LARGE1: variants seen among roughly 807,000 people sequenced by gnomAD.
LARGE1 encodes LARGE xylosyl- and glucuronyltransferase 1.
Under a neutral mutation model 87.6 loss-of-function variants are expected in LARGE1, and 43 were observed. That is an observed-to-expected ratio of 0.49 (90% CI 0.38 to 0.63). The LOEUF (loss-of-function observed/expected upper bound fraction) is 0.63. Among genes scored for constraint, LARGE1 ranks in the 30% least tolerant of loss-of-function variants. The probability of loss-of-function intolerance (pLI) is 0.00; values close to 1 mark genes in which losing one functional copy is unlikely to be tolerated. For synonymous variants in LARGE1, 434 were observed against 394.6 expected, an observed-to-expected ratio of 1.10 and a Z score of -1.18; for missense variants, 802 against 1,000.2, an observed-to-expected ratio of 0.80 and a Z score of 2.67.
chr22:33,330,010 C>CAA (rs201941090), intron 10 of LARGE1, among the ~76,000 whole-genome samples: 40 of 146,984 alleles, frequency 2.7e-4, no homozygotes, highest in Non-Finnish European at 4.0e-4. Context: ...AACAGAACAA[C>CAA]AAAAAAAAAC....
At chr22:33,886,942 C>T (rs1274396973) in intron 1 of LARGE1, among the ~76,000 whole-genome samples, 1 of 151,998 alleles carries the variant, frequency 6.6e-6, no homozygotes, top group Non-Finnish European at 1.5e-5. Context: ...ATAAAGTCAA[C>T]TGGGAAAAGT....
intron 2 of LARGE1, among the ~76,000 whole-genome samples, chr22:33,667,205 G>A (rs917312859): frequency 6.6e-6 from 1 of 152,226 alleles, no homozygotes. Flanking sequence ...AGTTTCTCCA[G>A]AAAGAAGGCT....
chr22:33,486,965 T>A (rs1180991732), intron 6 of LARGE1, among the ~76,000 whole-genome samples: 2 of 152,256 alleles, frequency 1.3e-5, no homozygotes, highest in Non-Finnish European at 2.9e-5. Context: ...ATTGTAATTC[T>A]GTGACTTTTA....
intron 5 of LARGE1, among the ~76,000 whole-genome samples, chr22:33,568,847 G>A (rs2078110322): frequency 6.6e-6 from 1 of 151,290 alleles, no homozygotes; most frequent in Non-Finnish European, 1.5e-5. Flanking sequence ...TGGATGGATG[G>A]ATGGATGAAT....
At chr22:33,184,761 A>G (rs1298406260) in intron 11 of LARGE1, among the ~76,000 whole-genome samples, 1 of 152,198 alleles carries the variant, frequency 6.6e-6, no homozygotes, top group African/African-American at 2.4e-5. Flanking sequence ...ACCTGAACAG[A>G]CATCTCACCA....
At chr22:33,750,626 C>T (rs2084278725) in intron 2 of LARGE1, 1 of 150,956 alleles carries the variant, frequency 6.6e-6, no homozygotes, top group South Asian at 2.1e-4. Flanking sequence ...TATGAAAATG[C>T]ATGTTTGTTG....
intron 1 of LARGE1, among the ~76,000 whole-genome samples, chr22:33,895,111 G>T (rs369398833): frequency 6.6e-6 from 1 of 152,144 alleles, no homozygotes; most frequent in African/African-American, 2.4e-5. Flanking sequence ...CTCTACAGAG[G>T]TGGGCAGAGT....
chr22:33,710,182 T>A (rs2082690483), intron 2 of LARGE1, among the ~76,000 whole-genome samples: 2 of 150,796 alleles, frequency 1.3e-5, no homozygotes, highest in South Asian at 4.2e-4. Flanking sequence ...TACAAGCAAT[T>A]CAAGGAGATT....
exon 12 of LARGE1, chr22:33,165,505 A>AT (rs766321205): frequency 1.3e-5 from 2 of 152,190 alleles, no homozygotes; most frequent in South Asian, 4.1e-4. Context: ...CTCATCTGTG[A>AT]TTTTTAAATC....
chr22:33,080,725 T>C, the LARGE1 span, among the ~76,000 whole-genome samples: 1 of 152,146 alleles, frequency 6.6e-6, no homozygotes, highest in East Asian at 1.9e-4. Context: ...TTGCCCAAAG[T>C]TACATAATTT....
At chr22:33,548,418 G>GTTTTC (rs1555953503) in intron 6 of LARGE1, among the ~76,000 whole-genome samples, 1 of 98,738 alleles carries the variant, frequency 1.0e-5, no homozygotes, top group Admixed American at 1.2e-4. Flanking sequence ...CAGGCATTCC[G>GTTTTC]TTTTTTTTTT....
intron 2 of LARGE1, among the ~76,000 whole-genome samples, chr22:33,691,215 T>A (rs934395283): frequency 1.3e-5 from 2 of 151,766 alleles, no homozygotes; most frequent in African/African-American, 4.8e-5. Context: ...TTAGCAGATG[T>A]GGAGGCAGCC....
chr22:33,748,916 TC>T (rs1467248666), intron 2 of LARGE1, among the ~76,000 whole-genome samples: 2 of 152,206 alleles, frequency 1.3e-5, no homozygotes, highest in East Asian at 1.9e-4. Flanking sequence ...ATCACAGTTC[TC>T]TAGGTTTCAG....
intron 7 of LARGE1, among the ~76,000 whole-genome samples, chr22:33,410,406 G>C (rs540370701): frequency 6.6e-6 from 1 of 152,088 alleles, no homozygotes; most frequent in African/African-American, 2.4e-5. Context: ...GATATGATGG[G>C]AGGTGACTGA....
intron 1 of LARGE1, among the ~76,000 whole-genome samples, chr22:33,887,455 G>A (rs2064885036): frequency 6.6e-6 from 1 of 152,190 alleles, no homozygotes; most frequent in Non-Finnish European, 1.5e-5. Flanking sequence ...AAAGTCACCT[G>A]GCCAGGCGCA....
At chr22:33,219,297 C>A (rs937981886) in intron 11 of LARGE1, among the ~76,000 whole-genome samples, 1 of 152,174 alleles carries the variant, frequency 6.6e-6, no homozygotes, top group Non-Finnish European at 1.5e-5. Context: ...CACCACGAAG[C>A]CAGTGTCTCT....
intron 1 of LARGE1, among the ~76,000 whole-genome samples, chr22:33,833,175 A>C (rs1166622918): frequency 6.6e-6 from 1 of 152,218 alleles, no homozygotes; most frequent in Middle Eastern, 3.2e-3. Flanking sequence ...CTCCTCAATT[A>C]GATTTGAAAC....
At chr22:33,186,315 A>G (rs528122361) in intron 11 of LARGE1, among the ~76,000 whole-genome samples, 1 of 152,306 alleles carries the variant, frequency 6.6e-6, no homozygotes. Flanking sequence ...AAAAGGTGAT[A>G]AATCATAACA....
At chr22:33,513,301 G>C (rs1211381221) in intron 6 of LARGE1, among the ~76,000 whole-genome samples, 3 of 152,234 alleles carry the variant, frequency 2.0e-5, no homozygotes, top group Non-Finnish European at 4.4e-5. Context: ...AGTAATTTAA[G>C]GGTAATCGAG....
Sources: gnomAD v4.1 joint callset for allele counts (sites outside exome capture counted in the v4.1 genomes callset) on GRCh38, gnomAD v4.1.1 for gene constraint, MANE v1.5 for transcripts, NCBI Gene and HGNC (gene_info 2026-07-23, HGNC 2026-07-21) for gene names.